The following CAT variants were observed in gnomAD, a reference collection of about 807,000 sequenced individuals.
CAT encodes the protein epididymis secretory sperm binding protein.
A neutral mutation model predicts 59.0 loss-of-function variants in CAT; 43 were observed. The ratio of observed to expected loss-of-function variants is 0.73; its 90% CI spans 0.57 to 0.94. The LOEUF is 0.94. CAT is among the 40% of genes least tolerant of loss of function. CAT has a pLI of 0.00. For synonymous variants in CAT, 218 were observed against 230.9 expected (o/e 0.94, Z 0.51); for missense variants, 664 against 682.9 (o/e 0.97, Z 0.31).
intron 8 of CAT, among the ~76,000 whole-genome samples, chr11:34,457,669 ATC>A (rs3831770): frequency 0.12 from 18,332 of 152,234 alleles, 1,365 homozygotes; most frequent in Admixed American, 0.21. Flanking sequence ...ACTTTTTAAT[ATC>A]TCTTTCAAGA....
chr11:34,466,992 A>G (rs1430702231), intron 10 of CAT, among the ~76,000 whole-genome samples: 1 of 152,148 alleles, frequency 6.6e-6, no homozygotes, highest in African/African-American at 2.4e-5. Flanking sequence ...TATCAAGACT[A>G]CTTCATCTGA....
rs1300417105 is a variant in CAT at position 34,451,017 on chromosome 11, G to A, written c.268G>A (p.Asp90Asn). 6.2e-7 allele frequency: 1 copy of A among 1,613,512 alleles called. No homozygotes were observed. The highest frequency in any genetic ancestry group is 1.1e-5 in the South Asian group (1 of 91,076). ...CTTTGGCTACTTTGAGGTCACACAT[G>A]ACATTACCAAATACTCCAAGGCAAA... ...GAFGYFEVTH[D>N]ITKYSKAKVF... The change falls in exon 3 of 13, where the codon GAC becomes AAC. Residue 90 changes from aspartate (D) to asparagine (N), a missense_variant. By Grantham distance (23) the Asp-to-Asn change is conservative (BLOSUM62 1). Transcript: ENST00000241052.
chr11:34,460,221 C>T (rs959277705), intron 8 of CAT, among the ~76,000 whole-genome samples: 1 of 152,114 alleles, frequency 6.6e-6, no homozygotes, highest in Non-Finnish European at 1.5e-5. Flanking sequence ...CAGAATTTAT[C>T]ATAAAGCTTT....
chr11:34,439,136 G>A lies in CAT; in HGVS notation c.66+57G>A, dbSNP rs553504423. On this transcript the variant is annotated intron_variant, in intron 1 of 12. Transcript: ENST00000241052. ...GGTCCGTTTAGAAAGCGGGGGCGTC[G>A]GCAAGTAAAGGCCCGGCTTCCCCCG... 4 of 1,468,186 alleles carry A rather than the reference G, an allele frequency of 2.7e-6. No individual in the cohort carries two copies. The South Asian group carries it at 3.6e-5, about 13-fold the overall frequency. 90.9% of individuals were successfully genotyped at this position (1,468,186 alleles called of 1,614,324 possible).
chr11:34,467,449 C>T (rs1026346398), intron 10 of CAT, among the ~76,000 whole-genome samples: 3 of 152,008 alleles, frequency 2.0e-5, no homozygotes, highest in African/African-American at 7.2e-5. Flanking sequence ...TAATTATAGC[C>T]TGATATTTGA....
chr11:34,457,103 C>T (rs1856599924), intron 8 of CAT: 1 of 420,234 alleles, frequency 2.4e-6, no homozygotes, highest in Non-Finnish European at 4.3e-6. Flanking sequence ...AATAGAAATA[C>T]CTTAAGTATT....
chr11:34,464,784 T>C (rs978866945), intron 10 of CAT, among the ~76,000 whole-genome samples: 3 of 152,090 alleles, frequency 2.0e-5, no homozygotes, highest in African/African-American at 7.2e-5. Flanking sequence ...TTTATCATGG[T>C]TGTGGCTCTT....
At position 34,461,245 on chromosome 11, in the gene CAT, C is replaced by T. The variant is rs1856646302; in HGVS notation, c.1057-6C>T. ...TAGTCAGTGTCTATTGTATTTATTA[C>T]TGCAGGGCCGCCTTTTTGCCTATCC... On this transcript the variant is annotated splice_polypyrimidine_tract_variant and splice_region_variant and intron_variant, in intron 8 of 12. Coordinates refer to ENST00000241052, the MANE Select transcript of CAT (RefSeq NM_001752.4). 1.2e-6 allele frequency: 2 copies of T among 1,614,016 alleles called. No individual in the cohort carries two copies. Among genetic ancestry groups the T allele is most frequent in the Non-Finnish European group, 1.7e-6 (2 of 1,179,954 alleles).
At chr11:34,469,137 C>G (rs1173931639) in intron 11 of CAT, among the ~76,000 whole-genome samples, 3 of 152,154 alleles carry the variant, frequency 2.0e-5, no homozygotes, top group Admixed American at 1.3e-4. Flanking sequence ...TGGCCTGTCC[C>G]AGAGCTAAGC....
chr11:34,447,926 C>T (rs1856478049), intron 1 of CAT, among the ~76,000 whole-genome samples: 1 of 152,198 alleles, frequency 6.6e-6, no homozygotes, highest in African/African-American at 2.4e-5. Flanking sequence ...AGTGCTGGCA[C>T]TCATAGTTTC....
At chr11:34,463,457 TA>T (rs1184598027) in intron 9 of CAT, among the ~76,000 whole-genome samples, 2 of 152,174 alleles carry the variant, frequency 1.3e-5, no homozygotes, top group African/African-American at 4.8e-5. Context: ...CTGAGAATCC[TA>T]AAAACACTTT....
In CAT at chr11:34,471,574, A is replaced by G; in HGVS notation, c.*141A>G. ...TAGAGAATCCCACTTTCTATAGCAG[A>G]TTGTGTAACAATTTTAATGCTATTT... On this transcript the variant is annotated 3_prime_UTR_variant, in exon 13 of 13. Transcript: ENST00000241052. 2.8e-6 allele frequency: 2 copies of G among 721,392 alleles called. No individual in the cohort carries two copies. Among genetic ancestry groups the G allele is most frequent in the East Asian group, 2.6e-5 (1 of 37,826 alleles). The allele number at this position is 721,392 out of a possible 1,614,324, so 44.7% of individuals were successfully genotyped here.
At chr11:34,448,048 G>A (rs1856480003) in intron 1 of CAT, among the ~76,000 whole-genome samples, 1 of 152,116 alleles carries the variant, frequency 6.6e-6, no homozygotes, top group Admixed American at 6.5e-5. Context: ...AAATTGCACG[G>A]TCTCCTTTAT....
chr11:34,444,888 G>A (rs975537244), intron 1 of CAT, among the ~76,000 whole-genome samples: 9 of 152,280 alleles, frequency 5.9e-5, no homozygotes, highest in Admixed American at 3.9e-4. Context: ...TCTAATAATT[G>A]TGCTAGTTTT....
chr11:34,445,495 C>CA (rs58169234), intron 1 of CAT, among the ~76,000 whole-genome samples: 12,052 of 36,270 alleles, frequency 0.33, 4,119 homozygotes, highest in Non-Finnish European at 0.43. Context: ...GACTCCATCT[C>CA]AAAAAAAAAA....
At chr11:34,468,572 T>C in intron 11 of CAT, 177 bp downstream of exon 11, 1 of 645,028 alleles carries the variant, frequency 1.6e-6, no homozygotes, top group African/African-American at 1.8e-5. Context: ...TTCCATGTTT[T>C]ATCTGGTCTG....
chr11:34,471,455 C>CAGCGA lies in CAT; in HGVS notation c.*26_*30dup. 2 of 1,608,006 alleles carry CAGCGA rather than the reference C, an allele frequency of 1.2e-6. No homozygotes were observed. Among genetic ancestry groups the CAGCGA allele is most frequent in the Non-Finnish European group, 1.7e-6 (2 of 1,174,478 alleles). On this transcript the variant is annotated 3_prime_UTR_variant, in exon 13 of 13. Transcript: ENST00000241052. Reference sequence around the variant, plus strand: ...GTGAGGCCGGGGCCCTGCACCTGTGCAGCGAAGCTTAGCGTTCATCCGTGT... The same window carrying CAGCGA: ...GTGAGGCCGGGGCCCTGCACCTGTGCAGCGAAGCGAAGCTTAGCGTTCATCCGTGT...
In CAT at chr11:34,456,774, A is replaced by G. The variant is rs770598518; in HGVS notation, c.1013A>G (p.Asn338Ser). The change falls in exon 8 of 13, where the codon AAC becomes AGC. Residue 338 changes from asparagine to serine, a missense_variant. Transcript: ENST00000241052. ...GAACAGATAGCCTTCGACCCAAGCA[A>G]CATGCCACCTGGCATTGAGGCCAGT... ...EVEQIAFDPS[N>S]MPPGIEASPD... is the part of the protein sequence containing the mutation. The G allele has an allele frequency of 1.2e-6, 2 of 1,614,244 alleles. No individual in the cohort carries two copies. The highest frequency in any genetic ancestry group is 1.1e-5 in the South Asian group (1 of 91,088).
At chr11:34,456,248 TTACC>T (rs1442492147) in intron 7 of CAT, 46 bp downstream of exon 7, 1 of 1,438,986 alleles carries the variant, frequency 6.9e-7, no homozygotes, top group African/African-American at 1.4e-5. Flanking sequence ...AAGTCTCTTC[TTACC>T]TAATTAGAAA....
Sources: allele counts gnomAD v4.1 joint callset (sites outside exome capture counted in the v4.1 genomes callset), GRCh38; gene constraint gnomAD v4.1.1; transcripts MANE v1.5; gene names NCBI Gene and HGNC (gene_info 2026-07-23, HGNC 2026-07-21).